Variants in ACADM observed in about 807,000 individuals in gnomAD.
ACADM encodes acyl-CoA dehydrogenase medium chain, also known as medium-chain specific acyl-CoA dehydrogenase, mitochondrial.
In ACADM, 49 loss-of-function variants were observed where a neutral mutation model predicts 58.9. The ratio of observed to expected loss-of-function variants is 0.83; its 90% CI spans 0.66 to 1.06. The LOEUF (loss-of-function observed/expected upper bound fraction) is 1.06, where lower values mean the gene tolerates loss of function less well. Ranked by LOEUF, ACADM falls within the 50% of genes least tolerant of loss-of-function variation. The probability of loss-of-function intolerance (pLI) is 0.00; values close to 1 mark genes in which losing one functional copy is unlikely to be tolerated. For synonymous variants in ACADM, 160 were observed against 157.7 expected, an observed-to-expected ratio of 1.01 and a Z score of -0.11; for missense variants, 496 against 507.0, an observed-to-expected ratio of 0.98 and a Z score of 0.21.
intron 11 of ACADM, chr1:75,761,734 A>T (rs1228433522): frequency 3.9e-6 from 1 of 259,116 alleles, no homozygotes; most frequent in African/African-American, 2.3e-5. Context: ...TATTTAATTT[A>T]TTGTAACTAT....
At chr1:75,759,185 A>C (rs1015556545) in intron 10 of ACADM, among the ~76,000 whole-genome samples, 3 of 152,144 alleles carry the variant, frequency 2.0e-5, no homozygotes, top group African/African-American at 7.2e-5. Context: ...CCAAGAACCC[A>C]CTGGAAGGAA....
At chr1:75,749,341 G>A (rs1648068441) in intron 8 of ACADM, 78 bp from the exon 9 acceptor site, 2 of 1,477,132 alleles carry the variant, frequency 1.4e-6, no homozygotes, top group African/African-American at 2.8e-5. Context: ...ATTGCAGAAA[G>A]TCATGAAACA....
At chr1:75,744,610 C>G in intron 7 of ACADM, 1 of 1,124,076 alleles carries the variant, frequency 8.9e-7, no homozygotes, top group Non-Finnish European at 1.4e-6. Context: ...GAAGCGAACA[C>G]TGAAGACACT....
chr1:75,738,231 T>TA (rs1647379624), intron 6 of ACADM, among the ~76,000 whole-genome samples: 3 of 144,430 alleles, frequency 2.1e-5, no homozygotes, highest in Non-Finnish European at 3.1e-5. Context: ...TTGTTATTAT[T>TA]TTTTTTTTCT....
intron 11 of ACADM, 98 bp from the exon 12 acceptor site, chr1:75,762,594 A>G: frequency 1.3e-6 from 1 of 793,136 alleles, no homozygotes; most frequent in Non-Finnish European, 2.2e-6. Flanking sequence ...ATTCGGTTTT[A>G]TATTACAACA....
At chr1:75,731,074 C>G (rs541585768) in intron 2 of ACADM, among the ~76,000 whole-genome samples, 1 of 151,182 alleles carries the variant, frequency 6.6e-6, no homozygotes, top group East Asian at 1.9e-4. Flanking sequence ...ATCACGAGGT[C>G]AGAAGATCGA....
At chr1:75,758,331 A>G (rs1398297724) in intron 10 of ACADM, among the ~76,000 whole-genome samples, 1 of 152,196 alleles carries the variant, frequency 6.6e-6, no homozygotes, top group African/African-American at 2.4e-5. Context: ...TTGGCGTCCC[A>G]AAGTGCTGGG....
intron 1 of ACADM, 85 bp from the exon 2 acceptor site, chr1:75,728,316 T>C: frequency 9.4e-7 from 1 of 1,067,340 alleles, no homozygotes; most frequent in Non-Finnish European, 1.4e-6. Flanking sequence ...AACCAGTTGC[T>C]GTACTCACTT....
In ACADM at chr1:75,741,701, G is replaced by A. The variant is rs372082050; in HGVS notation, c.599+1591G>A. Among the ~76,000 whole-genome samples the A allele has an allele frequency of 2.8e-3, 419 of 152,272 alleles. 1 individual carries two copies. Among genetic ancestry groups the A allele is most frequent in the South Asian group, 0.013 (65 of 4,830 alleles). ...ACCAGATAACAATTTTTACGATTTTGTTACTATTATTAAATAAAACTATAG... is the reference window on the plus strand; with the variant it reads ...ACCAGATAACAATTTTTACGATTTTATTACTATTATTAAATAAAACTATAG... On this transcript the variant is annotated intron_variant, in intron 7 of 11. Transcript: ENST00000370841.
intron 4 of ACADM, 165 bp from the exon 5 acceptor site, chr1:75,733,363 A>G (rs879492747): frequency 1.7e-4 from 163 of 982,586 alleles, no homozygotes; most frequent in Non-Finnish European, 2.3e-4. Context: ...GCTTTAAGAA[A>G]GTATAATTTC....
Position 75,750,181 on chromosome 1 carries a change from C to T in ACADM, c.850-270C>T, listed in dbSNP as rs74090737. Among the ~76,000 whole-genome samples the T allele has an allele frequency of 0.043, 6,479 of 152,186 alleles. 189 individuals carry two copies. The highest frequency in any genetic ancestry group is 0.086 in the African/African-American group (3,572 of 41,514). On this transcript the variant is annotated intron_variant, in intron 9 of 11. Transcript: ENST00000370841. ...TATGTACTCATTTTCTGTTTTTACT[C>T]ATTAAGAACATTTCCCCTAGTAAGA... is the stretch of plus-strand genomic sequence containing the variant.
At chr1:75,726,349 A>C (rs1284145709) in intron 1 of ACADM, among the ~76,000 whole-genome samples, 1 of 131,036 alleles carries the variant, frequency 7.6e-6, no homozygotes, top group Non-Finnish European at 1.6e-5. Context: ...AGCCTGGGTG[A>C]CAGAGGGAGA....
At chr1:75,759,566 A>G (rs554695842) in intron 10 of ACADM, among the ~76,000 whole-genome samples, 1 of 151,908 alleles carries the variant, frequency 6.6e-6, no homozygotes, top group East Asian at 1.9e-4. Context: ...CTGAGCCTCT[A>G]GAGTCTAAGA....
At chr1:75,761,097 T>C (rs1648817183) in intron 10 of ACADM, 25 bp from the exon 11 acceptor site, 1 of 1,605,254 alleles carries the variant, frequency 6.2e-7, no homozygotes, top group African/African-American at 1.3e-5. Context: ...TAAATATCCT[T>C]TAATTTTTTT....
At chr1:75,744,199 A>T (rs899256323) in intron 7 of ACADM, 2 of 1,570,892 alleles carry the variant, frequency 1.3e-6, no homozygotes, top group Non-Finnish European at 1.8e-6. Flanking sequence ...TGCTAGAAGG[A>T]GGTTGTGAGG....
At chr1:75,743,750 T>C (rs1647720920) in intron 7 of ACADM, 5 of 1,554,410 alleles carry the variant, frequency 3.2e-6, no homozygotes, top group Non-Finnish European at 3.6e-6. Context: ...GTCTGTTCAA[T>C]ATCTGCATAA....
chr1:75,734,989 A>G, intron 6 of ACADM, 118 bp downstream of exon 6: 2 of 783,836 alleles, frequency 2.6e-6, no homozygotes, highest in Non-Finnish European at 4.4e-6. Context: ...AAACTTAGCA[A>G]CATATTATTA....
rs539547168 is a variant in ACADM, at chr1:75,756,200, G to A, written c.946-4922G>A. On this transcript the variant is annotated intron_variant, in intron 10 of 11. Transcript: ENST00000370841. ...CACCACTCCTCTTCAACATAGTGTT[G>A]GAAGCTCTGGCCAGGGCAGTCAGGC... Among the ~76,000 whole-genome samples the A allele has an allele frequency of 2.0e-3, 310 of 152,248 alleles. 2 individuals carry two copies. Among genetic ancestry groups the A allele is most frequent in the African/African-American group, 7.0e-3 (289 of 41,520 alleles).
At chr1:75,743,659 T>C (rs1647713443) in intron 7 of ACADM, 3 of 1,482,688 alleles carry the variant, frequency 2.0e-6, no homozygotes, top group East Asian at 4.5e-5. Flanking sequence ...AACACCTCCA[T>C]TGCTAATGGT....
Sources: allele counts gnomAD v4.1 joint callset (sites outside exome capture counted in the v4.1 genomes callset), GRCh38; gene constraint gnomAD v4.1.1; transcripts MANE v1.5; gene names NCBI Gene and HGNC (gene_info 2026-07-23, HGNC 2026-07-21).